Variants in PCDHGA5 observed in about 807,000 individuals in gnomAD.
PCDHGA5 encodes the protein protocadherin gamma-A5.
A neutral mutation model predicts 56.7 loss-of-function variants in PCDHGA5; 36 were observed. That is an observed-to-expected ratio of 0.64 (90% confidence interval 0.49 to 0.84). PCDHGA5 has a LOEUF of 0.84. Among genes scored for constraint, PCDHGA5 ranks in the 40% least tolerant of loss-of-function variants. PCDHGA5 has a pLI of 0.00. For synonymous variants in PCDHGA5, 563 were observed against 520.2 expected, an observed-to-expected ratio of 1.08 and a Z score of -1.12; for missense variants, 1,305 against 1,201.5, an observed-to-expected ratio of 1.09 and a Z score of -1.27.
intron 1 of PCDHGA5, chr5:141,419,876 C>T (rs1219393740): frequency 1.4e-5 from 23 of 1,614,084 alleles, no homozygotes; most frequent in Non-Finnish European, 1.9e-5. Flanking sequence ...AGAGGTACTG[C>T]CGGATTTCAG....
intron 2 of PCDHGA5, among the ~76,000 whole-genome samples, chr5:141,501,703 G>A (rs183907124): frequency 6.6e-6 from 1 of 152,088 alleles, no homozygotes; most frequent in Non-Finnish European, 1.5e-5. Flanking sequence ...GTGATTCCGA[G>A]GATAAAAAAG....
chr5:141,403,986 C>A (rs367739607), intron 1 of PCDHGA5: 12 of 1,613,586 alleles, frequency 7.4e-6, no homozygotes, highest in Admixed American at 1.7e-5. Flanking sequence ...GACAATAGAC[C>A]TGAAGTGACC....
chr5:141,476,054 A>T lies in PCDHGA5; in HGVS notation c.2422-18753A>T. The T allele has an allele frequency of 3.3e-6, 5 of 1,504,982 alleles. No homozygotes were observed. The highest frequency in any genetic ancestry group is 4.4e-6 in the Non-Finnish European group (5 of 1,134,040). 93.2% of individuals were successfully genotyped at this position (1,504,982 alleles called of 1,614,324 possible). A position where few individuals can be genotyped will look rare whatever the true frequency, so the allele number is the denominator to read the frequency against. ...AGCGCCCAAGCGCTAACCCGCTGAA[A>T]GTTTCTCAGCGAAATCTCAGGGACG... On this transcript the variant is annotated intron_variant, in intron 1 of 3. Coordinates refer to ENST00000518069, the MANE Select transcript of PCDHGA5 (RefSeq NM_018918.3). The surrounding 1 kb of genome is among the most constrained non-coding windows in gnomAD (Gnocchi z 7.6).
intron 1 of PCDHGA5, chr5:141,408,586 C>G: frequency 6.2e-7 from 1 of 1,613,976 alleles, no homozygotes; most frequent in Non-Finnish European, 8.5e-7. Context: ...ATGTTAATGA[C>G]CACGCCCCTC....
intron 1 of PCDHGA5, chr5:141,376,156 G>T: frequency 6.2e-7 from 1 of 1,614,074 alleles, no homozygotes; most frequent in Non-Finnish European, 8.5e-7. Flanking sequence ...ACCTCACTCT[G>T]TACCTGGTGG....
intron 1 of PCDHGA5, among the ~76,000 whole-genome samples, chr5:141,451,611 G>C (rs1004906441): frequency 6.6e-6 from 1 of 152,166 alleles, no homozygotes; most frequent in Admixed American, 6.5e-5. Context: ...GCTAGGCATG[G>C]TGGCTCAAAC....
At chr5:141,478,625 T>A in intron 1 of PCDHGA5, 3 of 1,554,218 alleles carry the variant, frequency 1.9e-6, no homozygotes, top group Non-Finnish European at 2.6e-6. Context: ...ATGGAGCTGT[T>A]TTTTTAGTGA....
At position 141,433,358 on chromosome 5, in the gene PCDHGA5, C is replaced by CTATCTAT. The variant is rs2097585632; in HGVS notation, c.2422-61449_2422-61448insTATCTAT. ...ACAGGTGCAAGCCACCTACTGTCTG[C>CTATCTAT]CTATCTATCTATCTATCTATCTATC... On this transcript the variant is annotated intron_variant, in intron 1 of 3. Coordinates refer to ENST00000518069, the MANE Select transcript of PCDHGA5 (RefSeq NM_018918.3). 11 of 503,932 alleles carry CTATCTAT rather than the reference C, an allele frequency of 2.2e-5. No individual in the cohort carries two copies. The African/African-American group carries it at 2.3e-4, about 10-fold the overall frequency. The allele number at this position is 503,932 out of a possible 1,614,324, so 31.2% of individuals were successfully genotyped here.
Position 141,486,397 on chromosome 5 carries a change from G to A in PCDHGA5, c.2422-8410G>A, listed in dbSNP as rs778989869. The A allele has an allele frequency of 5.0e-6, 8 of 1,614,046 alleles. No individual in the cohort carries two copies. The South Asian group carries it at 7.7e-5, about 16-fold the overall frequency. ...CCTTCAGGAACCAGTTCTCCCTGGT[G>A]ACTGCTGGACCCTTGGATCGAGAGG... On this transcript the variant is annotated intron_variant, in intron 1 of 3. Transcript: ENST00000518069. The surrounding 1 kb of genome is among the most constrained non-coding windows in gnomAD (Gnocchi z 5.0).
chr5:141,441,565 C>T (rs1049476318), intron 1 of PCDHGA5: 62 of 200,838 alleles, frequency 3.1e-4, no homozygotes, highest in African/African-American at 1.4e-3. Context: ...CAAGTAGACA[C>T]CTCCAACCTA....
At chr5:141,376,223 C>A in intron 1 of PCDHGA5, 3 of 1,614,202 alleles carry the variant, frequency 1.9e-6, no homozygotes, top group Non-Finnish European at 2.5e-6. Context: ...GCTGCTGGCG[C>A]TCAGACTGCA....
chr5:141,371,481 G>A (rs1296629306), intron 1 of PCDHGA5: 1 of 1,613,956 alleles, frequency 6.2e-7, no homozygotes, highest in South Asian at 1.1e-5. Flanking sequence ...TGCTGAGCTG[G>A]GGACTGCCGT....
In PCDHGA5 at chr5:141,408,237, G is replaced by C. The variant is rs1445060280; in HGVS notation, c.2421+41486G>C. 3.2e-6 allele frequency: 5 copies of C among 1,575,002 alleles called. No individual in the cohort carries two copies. In the South Asian group the frequency reaches 4.6e-5, roughly 14 times the overall value. On this transcript the variant is annotated intron_variant, in intron 1 of 3. Transcript: ENST00000518069. ...AGCTGCGCGCAGAGGCGCCGGGCCG[G>C]CCCGCGGCAGGTGCTATTTCCTTTG...
chr5:141,465,778 A>G (rs544366126), intron 1 of PCDHGA5, among the ~76,000 whole-genome samples: 1 of 148,538 alleles, frequency 6.7e-6, no homozygotes, highest in East Asian at 1.9e-4. Context: ...CTCTTGTTAC[A>G]GTTTTTTTTT....
chr5:141,489,094 G>GAAT lies in PCDHGA5; in HGVS notation c.2422-5711_2422-5710insTAA, dbSNP rs2154581134. 5.1e-6 allele frequency: 2 copies of GAAT among 396,028 alleles called. No homozygotes were observed. Among genetic ancestry groups the GAAT allele is most frequent in the Non-Finnish European group, 9.0e-6 (2 of 221,296 alleles). 24.5% of individuals were successfully genotyped at this position (396,028 alleles called of 1,614,324 possible). Reference sequence around the variant, plus strand: ...CCCACCCCCGCCACTCGGTGACTAAGAACTGCTGCAAGCAGGCAAACCTCC... The same window carrying GAAT: ...CCCACCCCCGCCACTCGGTGACTAAGAATAACTGCTGCAAGCAGGCAAACCTCC... On this transcript the variant is annotated intron_variant, in intron 1 of 3. Coordinates refer to ENST00000518069, the MANE Select transcript of PCDHGA5 (RefSeq NM_018918.3). The surrounding 1 kb of genome is among the most constrained non-coding windows in gnomAD (Gnocchi z 4.5).
intron 1 of PCDHGA5, chr5:141,478,479 C>T (rs750055106): frequency 1.9e-6 from 3 of 1,613,550 alleles, no homozygotes; most frequent in Admixed American, 1.7e-5. Context: ...CGCCAGAACA[C>T]GCTGCGGAGC....
intron 1 of PCDHGA5, chr5:141,410,694 T>C: frequency 6.7e-7 from 1 of 1,493,788 alleles, no homozygotes; most frequent in Non-Finnish European, 8.9e-7. Context: ...TACTACTTTA[T>C]TTTCATATCT....
chr5:141,395,400 G>C, intron 1 of PCDHGA5: 1 of 859,976 alleles, frequency 1.2e-6, no homozygotes, highest in Non-Finnish European at 1.7e-6. Context: ...AACTCTAATA[G>C]TCATAGGTTA....
At chr5:141,405,130 G>A in intron 1 of PCDHGA5, 1 of 1,614,012 alleles carries the variant, frequency 6.2e-7, no homozygotes, top group South Asian at 1.1e-5. Flanking sequence ...ATCTGCTGCG[G>A]GCTACCAGTG....
Sources: allele counts gnomAD v4.1 joint callset (sites outside exome capture counted in the v4.1 genomes callset), GRCh38; gene constraint gnomAD v4.1.1; non-coding constraint Gnocchi (gnomAD v3.1); transcripts MANE v1.5; gene names NCBI Gene and HGNC (gene_info 2026-07-23, HGNC 2026-07-21).